The following BCAR1 variants were observed in gnomAD, a reference collection of about 807,000 sequenced individuals.
The protein encoded by BCAR1 is breast cancer anti-estrogen resistance protein 1.
In BCAR1, 30 loss-of-function variants were observed where a neutral mutation model predicts 67.6. The ratio of observed to expected loss-of-function variants is 0.44; its 90% CI spans 0.33 to 0.60. The LOEUF is 0.60. Among genes scored for constraint, BCAR1 ranks in the 20% least tolerant of loss-of-function variants. BCAR1 has a pLI of 0.02. For missense variants in BCAR1, 1,313 were observed against 1,222.3 expected, an observed-to-expected ratio of 1.07 and a Z score of -1.11; for synonymous variants, 626 against 556.7, an observed-to-expected ratio of 1.12 and a Z score of -1.75.
upstream of BCAR1, chr16:75,251,632 C>T (rs1597262928): frequency 2.0e-6 from 2 of 1,005,100 alleles, no homozygotes; most frequent in Non-Finnish European, 2.4e-6. Context: ...TCCAGCCGCT[C>T]TCCGCCTGCC....
At position 75,233,839 on chromosome 16, in the gene BCAR1, G is replaced by A. The variant is rs1435427827; in HGVS notation, c.2100+7C>T. 4 of 1,597,732 alleles carry A rather than the reference G, an allele frequency of 2.5e-6. No homozygotes were observed. The highest frequency in any genetic ancestry group is 3.4e-6 in the Non-Finnish European group (4 of 1,172,488). ...AAGCTGGGCCTTGCTCTGCTCCGGG[G>A]CCTCACCTGCTGCAACTCCAGCTGG... is the stretch of plus-strand genomic sequence containing the variant. On this transcript the variant is annotated splice_region_variant and intron_variant, in intron 6 of 6. Transcript: ENST00000162330.
chr16:75,258,339 C>T (rs546391938), intron 1 of BCAR1, among the ~76,000 whole-genome samples: 145 of 152,366 alleles, frequency 9.5e-4, no homozygotes, highest in African/African-American at 3.4e-3. Context: ...CCCGCCAACA[C>T]TGGAGGCAGG....
intron 1 of BCAR1, among the ~76,000 whole-genome samples, chr16:75,257,013 G>T (rs914534924): frequency 5.3e-5 from 8 of 152,314 alleles, no homozygotes; most frequent in Admixed American, 2.6e-4. Flanking sequence ...GCACTGCCTG[G>T]GGGAGGGGGA....
chr16:75,234,804 G>C, intron 5 of BCAR1, 85 bp downstream of exon 5: 2 of 1,498,138 alleles, frequency 1.3e-6, no homozygotes, highest in African/African-American at 1.4e-5. Context: ...CCAGGGACCA[G>C]GCCCCAGCTG....
At chr16:75,267,986 C>G in exon 1 of BCAR1, 1 of 1,573,620 alleles carries the variant, frequency 6.4e-7, no homozygotes, top group Non-Finnish European at 8.6e-7. Flanking sequence ...TGCATGCCCT[C>G]TCCTGACACT....
chr16:75,252,165 C>G (rs1597264709), upstream of BCAR1: 1 of 1,531,780 alleles, frequency 6.5e-7, no homozygotes, highest in East Asian at 2.4e-5. Flanking sequence ...GTAAGGACCC[C>G]AGGAAATGAA....
At chr16:75,263,976 G>C in intron 1 of BCAR1, 1 of 1,167,264 alleles carries the variant, frequency 8.6e-7, no homozygotes, top group Non-Finnish European at 1.1e-6. Context: ...CAGCCACGTA[G>C]GGGGCAGATG....
chr16:75,241,978 C>A (rs563290490), intron 2 of BCAR1, among the ~76,000 whole-genome samples: 1 of 152,324 alleles, frequency 6.6e-6, no homozygotes, highest in South Asian at 2.1e-4. Flanking sequence ...ATCCAGATCA[C>A]CATACGCACC....
At chr16:75,267,241 T>A (rs1267510346) in intron 1 of BCAR1, among the ~76,000 whole-genome samples, 2 of 152,192 alleles carry the variant, frequency 1.3e-5, no homozygotes, top group Non-Finnish European at 2.9e-5. Context: ...CCCAAGTCCC[T>A]GTTCTGGCAG....
rs758347979 is a variant in BCAR1 at position 75,229,478 on chromosome 16, C to A, written c.*33G>T. 51 of 1,497,958 alleles carry A rather than the reference C, an allele frequency of 3.4e-5. 2 individuals carry two copies. In the South Asian group the frequency reaches 6.4e-4, roughly 19 times the overall value. 92.8% of individuals were successfully genotyped at this position (1,497,958 alleles called of 1,614,324 possible). A position where few individuals can be genotyped will look rare whatever the true frequency, so the allele number is the denominator to read the frequency against. On this transcript the variant is annotated 3_prime_UTR_variant, in exon 7 of 7. Coordinates refer to ENST00000162330, the MANE Select transcript of BCAR1 (RefSeq NM_014567.5). ...AGCCAGGGAGCTGGGACCGCCGCAC[C>A]CCTCCCCTGCCTCCCTCCTGGGGTC...
At chr16:75,234,342 T>C (rs1255926439) in intron 5 of BCAR1, among the ~76,000 whole-genome samples, 1 of 152,014 alleles carries the variant, frequency 6.6e-6, no homozygotes, top group East Asian at 1.9e-4. Flanking sequence ...GGGCAGAGGG[T>C]GGGGTACCCG....
At chr16:75,267,562 C>T (rs1349538107) in intron 1 of BCAR1, among the ~76,000 whole-genome samples, 3 of 152,140 alleles carry the variant, frequency 2.0e-5, no homozygotes, top group East Asian at 1.9e-4. Context: ...CCTGGCCACA[C>T]GCCCTGCTGT....
At position 75,229,952 on chromosome 16, in the gene BCAR1, T is replaced by C; in HGVS notation, c.2172A>G (p.Pro724=). 6.3e-7 allele frequency: 1 copy of C among 1,598,314 alleles called. No homozygotes were observed. The highest frequency in any genetic ancestry group is 8.5e-7 in the Non-Finnish European group (1 of 1,169,756). Residue 724 remains proline (P), a synonymous_variant, in exon 7 of 7, where the codon CCA becomes CCG. Coordinates refer to ENST00000162330, the MANE Select transcript of BCAR1 (RefSeq NM_014567.5). ...TTCGCCCCGGGGCCAGGGGTTGGGC[T>C]GGCGTCCAGTTGGCCAGGTCGTGGT... ...PIDHDLANWT[P]AQPLAPGRTG... is the part of the protein sequence containing the mutation.
At chr16:75,250,847 C>T (rs2077659257) in intron 1 of BCAR1, 1 of 985,518 alleles carries the variant, frequency 1.0e-6, no homozygotes, top group Non-Finnish European at 1.2e-6. Flanking sequence ...GACCCGGCTT[C>T]CACCGGCGCT....
At chr16:75,259,392 G>A (rs1451759699) in intron 1 of BCAR1, among the ~76,000 whole-genome samples, 1 of 152,238 alleles carries the variant, frequency 6.6e-6, no homozygotes, top group East Asian at 1.9e-4. Flanking sequence ...CAGCTACTGG[G>A]GAGGCTGAGG....
rs777589212 is a variant in BCAR1, at chr16:75,242,896, C to G, written c.207G>C (p.Lys69Asn). Reference protein sequence around the residue: ...RLKILVGMYDKKPAGPGPGPP... With the variant: ...RLKILVGMYDNKPAGPGPGPP... ...GGCCGGGGCCAGGCCCTGCTGGCTT[C>G]TTATCATACATGCCCACCAAGATCT... The change falls in exon 2 of 7, where the codon AAG (lysine) becomes AAC (asparagine). Residue 69 changes from lysine (K) to asparagine (N), a missense_variant. Coordinates refer to ENST00000162330, the MANE Select transcript of BCAR1 (RefSeq NM_014567.5). The G allele has an allele frequency of 6.2e-7, 1 of 1,611,784 alleles. No homozygotes were observed. Among genetic ancestry groups the G allele is most frequent in the African/African-American group, 1.3e-5 (1 of 75,024 alleles).
At chr16:75,248,226 A>T (rs892630519) in intron 1 of BCAR1, 2 of 1,536,860 alleles carry the variant, frequency 1.3e-6, no homozygotes, top group Admixed American at 3.6e-5. Flanking sequence ...ACCAGAGGAA[A>T]TGTCACAGGC....
intron 1 of BCAR1, among the ~76,000 whole-genome samples, chr16:75,243,732 C>A (rs990932843): frequency 6.6e-6 from 1 of 152,190 alleles, no homozygotes; most frequent in African/African-American, 2.4e-5. Context: ...GGCCCAGGAG[C>A]CAAGCAGTCC....
intron 1 of BCAR1, chr16:75,251,039 C>T (rs1238008452): frequency 3.1e-6 from 3 of 958,300 alleles, no homozygotes; most frequent in Non-Finnish European, 3.7e-6. Flanking sequence ...TCCTCCCTCT[C>T]CGGGAGCCGG....
Sources: allele counts gnomAD v4.1 joint callset (sites outside exome capture counted in the v4.1 genomes callset), GRCh38; gene constraint gnomAD v4.1.1; transcripts MANE v1.5; gene names NCBI Gene and HGNC (gene_info 2026-07-23, HGNC 2026-07-21).